Variants in TRHDE observed in about 807,000 individuals in gnomAD.
TRHDE encodes thyrotropin-releasing hormone-degrading ectoenzyme.
A neutral mutation model predicts 125.7 loss-of-function variants in TRHDE; 72 were observed. The ratio of observed to expected loss-of-function variants is 0.57; its 90% CI spans 0.47 to 0.70. TRHDE has a LOEUF of 0.70. Among genes scored for constraint, TRHDE ranks in the 30% least tolerant of loss-of-function variants. The probability of loss-of-function intolerance (pLI) is 0.00; values close to 1 mark genes in which losing one functional copy is unlikely to be tolerated. For missense variants in TRHDE, 1,110 were observed against 1,327.1 expected, an observed-to-expected ratio of 0.84 and a Z score of 2.54; for synonymous variants, 509 against 509.1, an observed-to-expected ratio of 1.00 and a Z score of 0.00.
chr12:72,421,084 A>G (rs1833749247), intron 3 of TRHDE, among the ~76,000 whole-genome samples: 1 of 151,798 alleles, frequency 6.6e-6, no homozygotes, highest in Admixed American at 6.6e-5. Flanking sequence ...TATCATTTCT[A>G]TACCAAATAT....
rs548555972 is a variant in TRHDE at position 72,511,744 on chromosome 12, T to A, written c.1722+12109T>A. 3.3e-5 allele frequency among the ~76,000 whole-genome samples: 5 copies of A among 152,270 alleles called. No homozygotes were observed. The East Asian group carries it at 9.6e-4, about 29-fold the overall frequency. On this transcript the variant is annotated intron_variant, in intron 6 of 18. Coordinates refer to ENST00000261180, the MANE Select transcript of TRHDE (RefSeq NM_013381.3). Reference sequence around the variant, plus strand: ...TCATCATCATTTAATGGTTTCTTTTTATTTTTTCCTGTGCGAACCTTAACA... The same window carrying A: ...TCATCATCATTTAATGGTTTCTTTTAATTTTTTCCTGTGCGAACCTTAACA...
At chr12:72,381,552 C>T (rs532876446) in intron 3 of TRHDE, among the ~76,000 whole-genome samples, 4 of 151,840 alleles carry the variant, frequency 2.6e-5, no homozygotes, top group South Asian at 2.1e-4. Flanking sequence ...CCCGCCACTA[C>T]GCCTGGCTAA....
chr12:72,638,617 T>C (rs1873878492), intron 15 of TRHDE, among the ~76,000 whole-genome samples: 1 of 152,178 alleles, frequency 6.6e-6, no homozygotes, highest in Admixed American at 6.5e-5. Context: ...CTTTACATTT[T>C]GGCATGATTT....
intron 12 of TRHDE, among the ~76,000 whole-genome samples, chr12:72,613,418 T>C (rs978829334): frequency 1.5e-4 from 23 of 152,204 alleles, no homozygotes; most frequent in Non-Finnish European, 2.6e-4. Context: ...CTTCAAAAAA[T>C]GCTTAATTTA....
At chr12:72,372,783 G>T (rs1460122529) in intron 2 of TRHDE, among the ~76,000 whole-genome samples, 2 of 152,118 alleles carry the variant, frequency 1.3e-5, no homozygotes, top group African/African-American at 2.4e-5. Flanking sequence ...TGCTGTTTTG[G>T]TTACTGTAGA....
intron 2 of TRHDE, among the ~76,000 whole-genome samples, chr12:72,168,777 A>C (rs1444290334): frequency 6.6e-6 from 1 of 152,156 alleles, no homozygotes; most frequent in East Asian, 1.9e-4. Context: ...GAAGGTAAAC[A>C]ATGTAGATTA....
At chr12:72,458,441 C>T (rs187406728) in intron 3 of TRHDE, among the ~76,000 whole-genome samples, 7 of 152,204 alleles carry the variant, frequency 4.6e-5, no homozygotes, top group South Asian at 2.1e-4. Context: ...CAGTTGCCTT[C>T]GTCCTCTGCC....
At chr12:72,184,032 C>A (rs905328238) in intron 2 of TRHDE, among the ~76,000 whole-genome samples, 1 of 152,090 alleles carries the variant, frequency 6.6e-6, no homozygotes, top group Non-Finnish European at 1.5e-5. Flanking sequence ...GTTTAGGAAC[C>A]ACCCAAGGGT....
intron 2 of TRHDE, among the ~76,000 whole-genome samples, chr12:72,236,952 G>A (rs1878348200): frequency 6.6e-6 from 1 of 152,094 alleles, no homozygotes; most frequent in Admixed American, 6.5e-5. Context: ...TGGGTTTTGG[G>A]ATTTTTTAAA....
chr12:72,632,804 CT>C (rs1873553272), intron 15 of TRHDE, among the ~76,000 whole-genome samples: 1 of 147,128 alleles, frequency 6.8e-6, no homozygotes. Flanking sequence ...TTTTGTAGGT[CT>C]TTATCATTCT....
At chr12:72,362,398 T>G (rs1344394662) in intron 2 of TRHDE, among the ~76,000 whole-genome samples, 22 of 150,794 alleles carry the variant, frequency 1.5e-4, no homozygotes, top group Admixed American at 9.9e-4. Flanking sequence ...TTGCCCACTT[T>G]TTGATGGGGT....
intron 12 of TRHDE, among the ~76,000 whole-genome samples, chr12:72,590,094 T>C (rs1183126455): frequency 6.6e-6 from 1 of 152,046 alleles, no homozygotes; most frequent in Non-Finnish European, 1.5e-5. Flanking sequence ...CAGTTTAAAA[T>C]ATTTTCTAAT....
At chr12:72,534,238 C>CA (rs1592518928) in intron 6 of TRHDE, among the ~76,000 whole-genome samples, 1 of 152,112 alleles carries the variant, frequency 6.6e-6, no homozygotes, top group East Asian at 1.9e-4. Flanking sequence ...GAGAAGGAGA[C>CA]AAAGTCATGT....
chr12:72,183,776 A>G (rs1877145824), intron 2 of TRHDE, among the ~76,000 whole-genome samples: 1 of 152,196 alleles, frequency 6.6e-6, no homozygotes, highest in Non-Finnish European at 1.5e-5. Context: ...AACTTTGCAC[A>G]GTTTGTCTGT....
At chr12:72,230,234 A>G (rs1878220794) in intron 2 of TRHDE, among the ~76,000 whole-genome samples, 1 of 152,202 alleles carries the variant, frequency 6.6e-6, no homozygotes, top group African/African-American at 2.4e-5. Context: ...GGTTTGGGTC[A>G]TTAATAATGC....
intron 2 of TRHDE, among the ~76,000 whole-genome samples, chr12:72,240,308 TATA>T (rs1233483493): frequency 3.7e-4 from 3 of 8,142 alleles, no homozygotes; most frequent in Non-Finnish European, 1.2e-3. Flanking sequence ...TCACATTTTA[TATA>T]TATATATATA....
intron 12 of TRHDE, among the ~76,000 whole-genome samples, chr12:72,606,130 C>A (rs1872432244): frequency 6.6e-6 from 1 of 152,094 alleles, no homozygotes; most frequent in Admixed American, 6.6e-5. Flanking sequence ...TTCAGAATGA[C>A]TTTGGAGGGT....
chr12:72,505,691 A>G (rs999531506), intron 6 of TRHDE, among the ~76,000 whole-genome samples: 6 of 152,244 alleles, frequency 3.9e-5, no homozygotes, highest in Non-Finnish European at 7.3e-5. Flanking sequence ...TCAAGGGATC[A>G]TTGGGGACAT....
chr12:72,243,916 A>C lies in TRHDE; in HGVS notation n.280-134079A>C, dbSNP rs542178221. Among the ~76,000 whole-genome samples the C allele has an allele frequency of 1.2e-3, 178 of 152,318 alleles. 2 individuals carry two copies. The highest frequency in any genetic ancestry group is 4.1e-3 in the African/African-American group (170 of 41,578). ...AGCTTTATCCTCTGAGAACCTGATT[A>C]ATTAGGTCATAGAGACCAGGCTTCT... On this transcript the variant is annotated intron_variant and non_coding_transcript_variant, in intron 2 of 4. Transcript: ENST00000548156.
Sources: allele counts gnomAD v4.1 joint callset (sites outside exome capture counted in the v4.1 genomes callset), GRCh38; gene constraint gnomAD v4.1.1; transcripts MANE v1.5; gene names NCBI Gene and HGNC (gene_info 2026-07-23, HGNC 2026-07-21).